Variants in ABCA13 observed in about 807,000 individuals in gnomAD.
ABCA13 encodes the protein ATP-binding cassette sub-family A member 13.
A neutral mutation model predicts 478.7 loss-of-function variants in ABCA13; 476 were observed. That is an observed-to-expected ratio of 0.99 (90% CI 0.92 to 1.07). The LOEUF (loss-of-function observed/expected upper bound fraction) is 1.07. Among genes scored for constraint, ABCA13 ranks in the 50% least tolerant of loss-of-function variants. The pLI is 0.00. For missense variants in ABCA13, 6,060 were observed against 5,910.6 expected (o/e 1.03, Z -0.83); for synonymous variants, 2,252 against 2,158.9 (o/e 1.04, Z -1.20).
At chr7:48,440,206 G>A (rs1388683512) in intron 42 of ABCA13, among the ~76,000 whole-genome samples, 3 of 151,958 alleles carry the variant, frequency 2.0e-5, no homozygotes, top group Non-Finnish European at 2.9e-5. Context: ...ACATACCTGC[G>A]TAACCACCAC....
At chr7:48,325,092 C>A (rs1804122903) in intron 27 of ABCA13, among the ~76,000 whole-genome samples, 1 of 152,196 alleles carries the variant, frequency 6.6e-6, no homozygotes, top group Non-Finnish European at 1.5e-5. Flanking sequence ...TCTCAAGTTA[C>A]TGAAGCAGTA....
At chr7:48,433,595 T>C (rs1822439211) in intron 42 of ABCA13, among the ~76,000 whole-genome samples, 1 of 151,840 alleles carries the variant, frequency 6.6e-6, no homozygotes, top group African/African-American at 2.4e-5. Context: ...CACATTCACA[T>C]TATTGTGCAA....
chr7:48,608,133 G>A (rs141831934), intron 58 of ABCA13, among the ~76,000 whole-genome samples: 15,259 of 151,876 alleles, frequency 0.1, 1,283 homozygotes, highest in African/African-American at 0.23. Context: ...CACCCACCTC[G>A]GCTTCCCAAA....
chr7:48,532,678 G>T (rs1021035819), intron 55 of ABCA13, among the ~76,000 whole-genome samples: 1 of 151,750 alleles, frequency 6.6e-6, no homozygotes, highest in African/African-American at 2.4e-5. Context: ...TTTCAATCTT[G>T]CTGCTTGTTA....
At chr7:48,187,644 A>C (rs548486568) in intron 1 of ABCA13, among the ~76,000 whole-genome samples, 1 of 152,176 alleles carries the variant, frequency 6.6e-6, no homozygotes, top group Non-Finnish European at 1.5e-5. Context: ...CCAAAAATTG[A>C]AATTTAACTA....
In ABCA13 at chr7:48,645,764, C is replaced by T; in HGVS notation, c.*252C>T. The stretch of plus-strand genomic sequence containing the variant: ...TCTCTTTACCATGCCAGATGGACAC[C>T]AGCTTCTTTGTGACAAAGGCATGAA... On this transcript the variant is annotated 3_prime_UTR_variant, in exon 62 of 62. Coordinates refer to ENST00000435803, the MANE Select transcript of ABCA13 (RefSeq NM_152701.5). 1 of 407,560 alleles carries T rather than the reference C, an allele frequency of 2.5e-6. No individual in the cohort carries two copies. Among genetic ancestry groups the T allele is most frequent in the South Asian group, 2.6e-5 (1 of 38,216 alleles). The allele number at this position is 407,560 out of a possible 1,614,324, so 25.2% of individuals were successfully genotyped here. A position where few individuals can be genotyped will look rare whatever the true frequency, so the allele number is the denominator to read the frequency against.
chr7:48,269,793 A>G (rs934855996), intron 16 of ABCA13, among the ~76,000 whole-genome samples: 3 of 152,198 alleles, frequency 2.0e-5, no homozygotes, highest in African/African-American at 7.2e-5. Context: ...CACATTCTAT[A>G]GGTGGTTCCA....
At position 48,198,916 on chromosome 7, in the gene ABCA13, C is replaced by T. The variant is rs1798300665; in HGVS notation, c.287+556C>T. Among the ~76,000 whole-genome samples the T allele has an allele frequency of 2.6e-5, 4 of 152,004 alleles. No homozygotes were observed. The South Asian group carries it at 8.3e-4, about 32-fold the overall frequency. The stretch of plus-strand genomic sequence containing the variant: ...CTACAGTGTCAGTTGGCCTTAAACT[C>T]AAGAAGAGAAGGAGAAGAAGATATT... On this transcript the variant is annotated intron_variant, in intron 3 of 61. Transcript: ENST00000435803.
intron 8 of ABCA13, 29 bp downstream of exon 8, chr7:48,234,180 G>T (rs202012795): frequency 6.2e-7 from 1 of 1,613,274 alleles, no homozygotes; most frequent in Admixed American, 1.7e-5. Context: ...TTCTCACACC[G>T]CTGGGCCTTT....
intron 10 of ABCA13, among the ~76,000 whole-genome samples, chr7:48,241,682 T>C (rs745875952): frequency 4.8e-4 from 73 of 152,220 alleles, no homozygotes; most frequent in Non-Finnish European, 7.3e-5. Flanking sequence ...GAATATGATT[T>C]CTCAATATTA....
intron 41 of ABCA13, among the ~76,000 whole-genome samples, chr7:48,416,913 G>A (rs987805715): frequency 6.6e-6 from 1 of 151,222 alleles, no homozygotes; most frequent in African/African-American, 2.4e-5. Flanking sequence ...AACCAGTCTT[G>A]GAATCTCACT....
At chr7:48,524,731 G>C (rs1043317012) in intron 54 of ABCA13, among the ~76,000 whole-genome samples, 7 of 152,088 alleles carry the variant, frequency 4.6e-5, no homozygotes, top group African/African-American at 1.7e-4. Context: ...TTTTTGTTGA[G>C]CAAATATTTT....
Position 48,427,837 on chromosome 7 carries a change from G to A in ABCA13, c.12531G>A (p.Gln4177=), listed in dbSNP as rs2129137639. The change falls in exon 42 of 62, where the codon CAG becomes CAA. Residue 4177 remains glutamine (Q), a synonymous_variant. Coordinates refer to ENST00000435803, the MANE Select transcript of ABCA13 (RefSeq NM_152701.5). ...CCCTGGGGACTGAGTCAGAGCTGCA[G>A]AACCACAGGCCTACAGGACATCTGT... ...HIALGTESEL[Q]NHRPTGHLSG... The A allele has an allele frequency of 6.2e-7, 1 of 1,612,102 alleles. No individual in the cohort carries two copies. The highest frequency in any genetic ancestry group is 2.2e-5 in the East Asian group (1 of 44,830).
rs763560883 is a variant in ABCA13, at chr7:48,644,697, C to T, written c.15024C>T (p.Asn5008=). Residue 5008 remains asparagine, a synonymous_variant, in exon 61 of 62, where the codon AAC becomes AAT. Coordinates refer to ENST00000435803, the MANE Select transcript of ABCA13 (RefSeq NM_152701.5). The stretch of plus-strand genomic sequence containing the variant: ...CTGACTTGTTCAAAGTTATAGAGAA[C>T]AATAAAACCTTCTTGAATATTAAGC... ...CLADLFKVIE[N]NKTFLNIKHY... is the part of the protein sequence containing the mutation. The T allele has an allele frequency of 1.7e-5, 27 of 1,599,830 alleles. No individual in the cohort carries two copies. In the South Asian group the frequency reaches 2.9e-4, roughly 17 times the overall value.
At chr7:48,529,111 T>C (rs1833059545) in intron 55 of ABCA13, among the ~76,000 whole-genome samples, 1 of 152,208 alleles carries the variant, frequency 6.6e-6, no homozygotes, top group Non-Finnish European at 1.5e-5. Context: ...TGGTAGTGTG[T>C]CTTCCTTTTT....
chr7:48,625,767 A>G (rs961444110), intron 59 of ABCA13, among the ~76,000 whole-genome samples: 3 of 151,900 alleles, frequency 2.0e-5, no homozygotes, highest in Non-Finnish European at 4.4e-5. Flanking sequence ...AAAAGTAAAC[A>G]TTCGGCATTC....
chr7:48,536,521 G>A (rs1052561269), intron 55 of ABCA13, among the ~76,000 whole-genome samples: 3 of 151,966 alleles, frequency 2.0e-5, no homozygotes, highest in Admixed American at 2.0e-4. Flanking sequence ...GGTGGTGTGT[G>A]CCTGTAATCC....
At chr7:48,511,896 T>G (rs549665864) in intron 51 of ABCA13, among the ~76,000 whole-genome samples, 2 of 152,276 alleles carry the variant, frequency 1.3e-5, no homozygotes, top group African/African-American at 4.8e-5. Context: ...TTGCTCTTAT[T>G]TAAGAGGATT....
At chr7:48,291,774 G>A (rs1798570236) in intron 20 of ABCA13, among the ~76,000 whole-genome samples, 1 of 152,110 alleles carries the variant, frequency 6.6e-6, no homozygotes, top group Non-Finnish European at 1.5e-5. Context: ...AACATAGACA[G>A]CAGACACCAC....
Sources: allele counts gnomAD v4.1 joint callset (sites outside exome capture counted in the v4.1 genomes callset), GRCh38; gene constraint gnomAD v4.1.1; transcripts MANE v1.5; gene names NCBI Gene and HGNC (gene_info 2026-07-23, HGNC 2026-07-21).